Variants in KCTD13 observed in about 807,000 individuals in gnomAD.
KCTD13 encodes the protein BTB/POZ domain-containing adapter for CUL3-mediated RhoA degradation protein 1.
A neutral mutation model predicts 32.3 loss-of-function variants in KCTD13; 15 were observed. The observed-to-expected ratio is 0.46, with a 90% CI of 0.31 to 0.71. The LOEUF (loss-of-function observed/expected upper bound fraction) is 0.71, where lower values mean the gene tolerates loss of function less well. Ranked by LOEUF, KCTD13 falls within the 30% of genes least tolerant of loss-of-function variation. KCTD13 has a pLI of 0.05. For missense variants in KCTD13, 337 were observed against 452.6 expected, an observed-to-expected ratio of 0.74 and a Z score of 2.32; for synonymous variants, 189 against 200.1, an observed-to-expected ratio of 0.94 and a Z score of 0.47.
At chr16:29,912,086 A>G in intron 2 of KCTD13, 37 bp from the exon 3 acceptor site, 1 of 1,406,992 alleles carries the variant, frequency 7.1e-7, no homozygotes, top group Non-Finnish European at 9.9e-7. Flanking sequence ...CAGCACAACC[A>G]AAGGCCACGT....
At position 29,926,137 on chromosome 16, in the gene KCTD13, G is replaced by GCGCACACGCCCACTCAC. The variant is rs1393500687; in HGVS notation, c.-121_-105dup. On this transcript the variant is annotated 5_prime_UTR_variant, in exon 1 of 6. Transcript: ENST00000568000. ...CCCAGCCCTTGGGCCAGACCGCTCG[G>GCGCACACGCCCACTCAC]CGCACACGCCCACTCACCGCAGCTA... 7.8e-7 allele frequency: 1 copy of GCGCACACGCCCACTCAC among 1,279,572 alleles called. No individual in the cohort carries two copies. 79.3% of individuals were successfully genotyped at this position (1,279,572 alleles called of 1,614,324 possible).
intron 2 of KCTD13, among the ~76,000 whole-genome samples, chr16:29,918,642 T>C (rs2068852198): frequency 6.6e-6 from 1 of 151,868 alleles, no homozygotes; most frequent in Admixed American, 6.6e-5. Flanking sequence ...AGCTAATTTT[T>C]GTAATTTTTT....
In KCTD13 at chr16:29,926,135, C is replaced by A. The variant is rs577090261; in HGVS notation, c.-102G>T. ...CCCCCAGCCCTTGGGCCAGACCGCT[C>A]GGCGCACACGCCCACTCACCGCAGC... On this transcript the variant is annotated 5_prime_UTR_variant, in exon 1 of 6. Transcript: ENST00000568000. 2.3e-6 allele frequency: 3 copies of A among 1,278,104 alleles called. No individual in the cohort carries two copies. Among genetic ancestry groups the A allele is most frequent in the Non-Finnish European group, 3.1e-6 (3 of 976,784 alleles). 79.2% of individuals were successfully genotyped at this position (1,278,104 alleles called of 1,614,324 possible). A position where few individuals can be genotyped will look rare whatever the true frequency, so the allele number is the denominator to read the frequency against.
chr16:29,907,129 C>A, intron 5 of KCTD13, 21 bp from the exon 6 acceptor site: 1 of 1,551,080 alleles, frequency 6.4e-7, no homozygotes, highest in Non-Finnish European at 8.8e-7. Flanking sequence ...CCAGCCGGCC[C>A]CAGCTCCTTC....
At chr16:29,910,091 C>T (rs1483485807) in intron 5 of KCTD13, among the ~76,000 whole-genome samples, 1 of 138,828 alleles carries the variant, frequency 7.2e-6, no homozygotes, top group East Asian at 2.1e-4. Context: ...GAGTGAGACT[C>T]TGTCTAAAAA....
chr16:29,923,020 G>A, intron 2 of KCTD13, 170 bp downstream of exon 2: 1 of 658,816 alleles, frequency 1.5e-6, no homozygotes. Flanking sequence ...GGGTGGGGGT[G>A]CTGCCTGAGG....
rs1342430280 is a variant in KCTD13, at chr16:29,923,579, C to T, written c.245-220G>A. ...CCTAAATTATAAGAAAAAAGGATTC[C>T]AGCCAGGCGCGGTGGCTCATGCCTA... is the stretch of plus-strand genomic sequence containing the variant. On this transcript the variant is annotated intron_variant, in intron 1 of 5. Transcript: ENST00000568000. Among the ~76,000 whole-genome samples the T allele has an allele frequency of 1.3e-5, 2 of 152,192 alleles. 1 individual carries two copies. Among genetic ancestry groups the T allele is most frequent in the South Asian group, 4.2e-4 (2 of 4,818 alleles).
chr16:29,911,978 G>C lies in KCTD13; in HGVS notation c.486C>G (p.Leu162=). 1 of 1,611,684 alleles carries C rather than the reference G, an allele frequency of 6.2e-7. No homozygotes were observed. The highest frequency in any genetic ancestry group is 8.5e-7 in the Non-Finnish European group (1 of 1,179,222). ...GCCTCACCTTGGAGGTGCTGGCCAG[G>C]AGCTGCTGCTCCTCCCGGGGAGATG... The part of the protein sequence containing the change: ...MVTSPREEQQ[L]LASTSKPVVK... The change falls in exon 3 of 6, where the codon CTC becomes CTG. Residue 162 remains leucine, a synonymous_variant. Transcript: ENST00000568000.
intron 2 of KCTD13, chr16:29,920,565 A>C (rs1316403749): frequency 6.6e-6 from 1 of 152,196 alleles, no homozygotes; most frequent in Non-Finnish European, 1.5e-5. Flanking sequence ...AAAAAGAAAA[A>C]AGCAGAAAAT....
chr16:29,910,453 T>C lies in KCTD13; in HGVS notation c.753+525A>G, dbSNP rs147313829. ...AATTACTGGGCTCAAGCAATCCTCC[T>C]GCCTTAGCTTCCTGAGTAGCTGGGA... On this transcript the variant is annotated intron_variant, in intron 5 of 5. Coordinates refer to ENST00000568000, the MANE Select transcript of KCTD13 (RefSeq NM_178863.5). 3.1e-3 allele frequency among the ~76,000 whole-genome samples: 471 copies of C among 152,166 alleles called. 1 individual carries two copies. Among genetic ancestry groups the C allele is most frequent in the Non-Finnish European group, 4.9e-3 (332 of 67,990 alleles).
chr16:29,911,731 G>C, intron 4 of KCTD13, 84 bp downstream of exon 4: 1 of 1,458,618 alleles, frequency 6.9e-7, no homozygotes, highest in Non-Finnish European at 9.5e-7. Flanking sequence ...GGCCCCCCGT[G>C]TGGCCGTGGC....
At chr16:29,923,652 A>G (rs1358648347) in intron 1 of KCTD13, among the ~76,000 whole-genome samples, 1 of 152,050 alleles carries the variant, frequency 6.6e-6, no homozygotes, top group Admixed American at 6.6e-5. Context: ...ACCTGAGGTC[A>G]GGAGTTTGAG....
At chr16:29,919,186 G>A (rs1368775821) in intron 2 of KCTD13, among the ~76,000 whole-genome samples, 1 of 152,188 alleles carries the variant, frequency 6.6e-6, no homozygotes, top group Non-Finnish European at 1.5e-5. Flanking sequence ...TAAACAACCA[G>A]GCAAAGTTGG....
intron 5 of KCTD13, among the ~76,000 whole-genome samples, chr16:29,910,117 A>AG (rs2068680296): frequency 6.7e-6 from 1 of 148,990 alleles, no homozygotes; most frequent in Non-Finnish European, 1.5e-5. Flanking sequence ...AAAAAAAAAT[A>AG]GGCTGGGGGC....
intron 2 of KCTD13, among the ~76,000 whole-genome samples, chr16:29,916,423 A>G (rs1367994442): frequency 2.0e-5 from 3 of 152,174 alleles, no homozygotes; most frequent in Non-Finnish European, 4.4e-5. Flanking sequence ...TTTTACTAAC[A>G]ATCTCCTCAA....
At chr16:29,925,544 C>A (rs898618399) in intron 1 of KCTD13, 36 of 568,058 alleles carry the variant, frequency 6.3e-5, no homozygotes. Flanking sequence ...CTTACCACAG[C>A]GCCTGGCAGT....
Position 29,925,922 on chromosome 16 carries a change from G to C in KCTD13, c.112C>G (p.Pro38Ala). Reference sequence around the variant, plus strand: ...TTCAGCTTCACGTATTTGCTGTTCGGGGTCAGCGGCTTGAGACCGTAGGCG... The same window carrying C: ...TTCAGCTTCACGTATTTGCTGTTCGCGGTCAGCGGCTTGAGACCGTAGGCG... ...PAAYGLKPLTPNSKYVKLNVG... is the reference protein window; with the variant it reads ...PAAYGLKPLTANSKYVKLNVG... Residue 38 changes from proline to alanine, a missense_variant, in exon 1 of 6, where the codon CCG becomes GCG. This residue lies in a region of KCTD13 where 64 missense variants were observed against 59.6 expected (regional missense o/e 1.07). Transcript: ENST00000568000. 6.2e-7 allele frequency: 1 copy of C among 1,614,052 alleles called. No individual in the cohort carries two copies. Among genetic ancestry groups the C allele is most frequent in the African/African-American group, 1.3e-5 (1 of 75,036 alleles).
chr16:29,911,269 C>T lies in KCTD13; in HGVS notation c.558-96G>A, dbSNP rs985563145. Reference sequence around the variant, plus strand: ...CTGGATGCATTCCCAGTCCTCTGCTCCTGCCCAGGGCTTTGGTGCTCAACA... The same window carrying T: ...CTGGATGCATTCCCAGTCCTCTGCTTCTGCCCAGGGCTTTGGTGCTCAACA... On this transcript the variant is annotated intron_variant, in intron 4 of 5. Transcript: ENST00000568000. 20 of 957,588 alleles carry T rather than the reference C, an allele frequency of 2.1e-5. No individual in the cohort carries two copies. The South Asian group carries it at 2.8e-4, about 14-fold the overall frequency. 59.3% of individuals were successfully genotyped at this position (957,588 alleles called of 1,614,324 possible).
intron 2 of KCTD13, among the ~76,000 whole-genome samples, chr16:29,916,623 G>A (rs1363683681): frequency 6.6e-6 from 1 of 152,154 alleles, no homozygotes; most frequent in Non-Finnish European, 1.5e-5. Context: ...CAGCATTTTG[G>A]GAGGCCAAGG....
Sources: gnomAD v4.1 joint callset for allele counts (sites outside exome capture counted in the v4.1 genomes callset) on GRCh38, gnomAD v4.1.1 for gene constraint, gnomAD v4.1.1 regional missense constraint, MANE v1.5 for transcripts, NCBI Gene and HGNC (gene_info 2026-07-23, HGNC 2026-07-21) for gene names.